The following SYK variants were observed in gnomAD, a reference collection of about 807,000 sequenced individuals.
SYK encodes the protein tyrosine-protein kinase SYK.
In SYK, 16 loss-of-function variants were observed where a neutral mutation model predicts 77.8. The ratio of observed to expected loss-of-function variants is 0.21; its 90% CI spans 0.14 to 0.31. SYK has a LOEUF of 0.31. Ranked by LOEUF, SYK falls within the 10% of genes least tolerant of loss-of-function variation. SYK has a pLI of 1.00. For missense variants in SYK, 529 were observed against 814.4 expected, an observed-to-expected ratio of 0.65 and a Z score of 4.26; for synonymous variants, 312 against 308.7, an observed-to-expected ratio of 1.01 and a Z score of -0.11.
intron 1 of SYK, among the ~76,000 whole-genome samples, chr9:90,838,768 T>A (rs908035207): frequency 1.6e-4 from 24 of 152,220 alleles, no homozygotes; most frequent in Admixed American, 7.2e-4. Flanking sequence ...TTCTAAACAC[T>A]ATTTGGAAGA....
At chr9:90,848,056 G>A (rs915021036) in intron 3 of SYK, among the ~76,000 whole-genome samples, 4 of 152,128 alleles carry the variant, frequency 2.6e-5, no homozygotes, top group Admixed American at 6.5e-5. Context: ...AGTGTAGTGG[G>A]CGTGTTATAC....
At chr9:90,865,745 A>G (rs2991216) in intron 6 of SYK, among the ~76,000 whole-genome samples, 31,920 of 151,916 alleles carry the variant, frequency 0.21, 3,663 homozygotes, top group East Asian at 0.27. Context: ...ATATTTTTTA[A>G]CTTCATCCTT....
intron 3 of SYK, among the ~76,000 whole-genome samples, chr9:90,852,990 C>G (rs1195151835): frequency 3.9e-5 from 6 of 152,146 alleles, no homozygotes; most frequent in African/African-American, 7.2e-5. Context: ...GCAGCATGAT[C>G]TTGATTTTGT....
At chr9:90,851,435 G>C (rs1272121961) in intron 3 of SYK, among the ~76,000 whole-genome samples, 1 of 152,202 alleles carries the variant, frequency 6.6e-6, no homozygotes, top group East Asian at 1.9e-4. Context: ...GAGGGGCTGG[G>C]CAGTGTGGGT....
chr9:90,819,536 G>A (rs551830024), intron 1 of SYK, among the ~76,000 whole-genome samples: 2 of 152,296 alleles, frequency 1.3e-5, no homozygotes, highest in South Asian at 4.1e-4. Flanking sequence ...TGAGGAAGAA[G>A]CAGAAGAGGA....
chr9:90,887,937 A>T (rs1436330914), intron 12 of SYK, 48 bp downstream of exon 12: 1 of 1,502,592 alleles, frequency 6.7e-7, no homozygotes, highest in Non-Finnish European at 8.9e-7. Flanking sequence ...ATTAGAACAG[A>T]TAAGCACCAG....
Position 90,897,017 on chromosome 9 carries a change from ACT to A in SYK, c.*1420_*1421del, listed in dbSNP as rs1829016764. The A allele has an allele frequency of 2.4e-5, 5 of 209,004 alleles. 1 individual carries two copies. Among genetic ancestry groups the A allele is most frequent in the East Asian group, 2.2e-4 (3 of 13,816 alleles). 12.9% of individuals were successfully genotyped at this position (209,004 alleles called of 1,614,324 possible). The stretch of plus-strand genomic sequence containing the variant: ...ACTCCAGCTTGGGCATCACAGCGAG[ACT>A]CTGTCAAAACAAACAAACAAAAAAA... On this transcript the variant is annotated 3_prime_UTR_variant, in exon 14 of 14. Coordinates refer to ENST00000375754, the MANE Select transcript of SYK (RefSeq NM_003177.7).
chr9:90,814,911 A>G (rs1305035917), intron 1 of SYK, among the ~76,000 whole-genome samples: 2 of 152,098 alleles, frequency 1.3e-5, no homozygotes, highest in Non-Finnish European at 2.9e-5. Context: ...CATGGTTCCC[A>G]GTTATTTCCT....
At chr9:90,894,890 C>T (rs919353030) in intron 13 of SYK, among the ~76,000 whole-genome samples, 1 of 152,160 alleles carries the variant, frequency 6.6e-6, no homozygotes, top group Non-Finnish European at 1.5e-5. Flanking sequence ...GCCTCCCTGG[C>T]CAGCAGTGGC....
chr9:90,816,717 G>A (rs1447012853), intron 1 of SYK, among the ~76,000 whole-genome samples: 1 of 152,076 alleles, frequency 6.6e-6, no homozygotes, highest in African/African-American at 2.4e-5. Flanking sequence ...CCCAGCCCCT[G>A]GTAACCACTA....
intron 13 of SYK, among the ~76,000 whole-genome samples, chr9:90,889,265 C>T (rs1828696968): frequency 6.6e-6 from 1 of 152,220 alleles, no homozygotes; most frequent in Non-Finnish European, 1.5e-5. Context: ...ATTAGGAGTA[C>T]AGTTTTGCCA....
chr9:90,851,535 G>A (rs976177748), intron 3 of SYK, among the ~76,000 whole-genome samples: 1 of 152,136 alleles, frequency 6.6e-6, no homozygotes, highest in African/African-American at 2.4e-5. Flanking sequence ...CCTTGTCTGG[G>A]GTCTAGCTGG....
chr9:90,806,336 A>G (rs1342366871), intron 1 of SYK, among the ~76,000 whole-genome samples: 1 of 151,782 alleles, frequency 6.6e-6, no homozygotes, highest in Admixed American at 6.6e-5. Flanking sequence ...CAGTCTTGCT[A>G]TACATACAGT....
intron 3 of SYK, among the ~76,000 whole-genome samples, chr9:90,853,894 A>G (rs893709555): frequency 3.3e-5 from 5 of 151,914 alleles, no homozygotes; most frequent in Admixed American, 1.3e-4. Flanking sequence ...AAATAAAATA[A>G]AAAAGAAAAA....
intron 5 of SYK, 62 bp from the exon 6 acceptor site, chr9:90,864,986 G>C (rs1471000049): frequency 2.0e-6 from 3 of 1,503,572 alleles, no homozygotes; most frequent in South Asian, 1.1e-5. Flanking sequence ...ATCTGCAGTG[G>C]GGAGGGGAAG....
intron 7 of SYK, among the ~76,000 whole-genome samples, chr9:90,873,429 T>C (rs997406694): frequency 1.8e-4 from 28 of 151,674 alleles, no homozygotes; most frequent in African/African-American, 6.8e-4. Context: ...GAAGAAAGGG[T>C]GGGTCAGGAA....
intron 3 of SYK, among the ~76,000 whole-genome samples, chr9:90,857,556 G>T (rs888005993): frequency 2.6e-5 from 4 of 152,232 alleles, no homozygotes; most frequent in African/African-American, 9.6e-5. Context: ...GCTCTTCTTT[G>T]TGTGGAATGC....
intron 6 of SYK, among the ~76,000 whole-genome samples, chr9:90,866,041 G>A (rs1451992691): frequency 6.6e-6 from 1 of 151,586 alleles, no homozygotes; most frequent in Non-Finnish European, 1.5e-5. Flanking sequence ...TGGGACTACA[G>A]GCGCCCGCCA....
chr9:90,817,845 TTGTGTGTG>T (rs746939088), intron 1 of SYK, among the ~76,000 whole-genome samples: 23 of 137,660 alleles, frequency 1.7e-4, no homozygotes, highest in Admixed American at 2.9e-4. Flanking sequence ...CTCAATAATG[TTGTGTGTG>T]TGTGTGTGTG....
Sources: gnomAD v4.1 joint callset for allele counts (sites outside exome capture counted in the v4.1 genomes callset) on GRCh38, gnomAD v4.1.1 for gene constraint, MANE v1.5 for transcripts, NCBI Gene and HGNC (gene_info 2026-07-23, HGNC 2026-07-21) for gene names.